The following GPHN variants were observed in gnomAD, a reference collection of about 807,000 sequenced individuals.
GPHN encodes the protein gephyrin.
In GPHN, 17 loss-of-function variants were observed where a neutral mutation model predicts 95.5. The observed-to-expected ratio is 0.18, with a 90% CI of 0.12 to 0.27. GPHN has a LOEUF of 0.27. Ranked by LOEUF, GPHN falls within the 10% of genes least tolerant of loss-of-function variation. GPHN has a pLI of 1.00. For missense variants in GPHN, 660 were observed against 978.1 expected (o/e 0.67, Z 4.34); for synonymous variants, 320 against 322.5 (o/e 0.99, Z 0.08).
chr14:67,180,564 A>G (rs2083272496), intron 22 of GPHN, among the ~76,000 whole-genome samples: 1 of 152,188 alleles, frequency 6.6e-6, no homozygotes, highest in Non-Finnish European at 1.5e-5. Flanking sequence ...GCATAATGCT[A>G]TAAAATCCTG....
At chr14:67,640,886 G>A in the GPHN span, among the ~76,000 whole-genome samples, 17 of 152,140 alleles carry the variant, frequency 1.1e-4, no homozygotes, top group East Asian at 1.9e-4. Flanking sequence ...GAGGTTGAGC[G>A]TCCCTAATCC....
At chr14:66,768,912 G>A (rs144174735) in intron 2 of GPHN, among the ~76,000 whole-genome samples, 3 of 151,982 alleles carry the variant, frequency 2.0e-5, no homozygotes, top group African/African-American at 2.4e-5. Flanking sequence ...TAAAAGATAC[G>A]TATACTATAT....
chr14:66,516,252 A>C (rs767034801), intron 1 of GPHN, among the ~76,000 whole-genome samples: 2 of 151,426 alleles, frequency 1.3e-5, no homozygotes, highest in Non-Finnish European at 2.9e-5. Flanking sequence ...TCCTGACCTC[A>C]AGTGATCTAC....
chr14:66,775,346 A>G (rs2059342878), intron 2 of GPHN, among the ~76,000 whole-genome samples: 1 of 152,142 alleles, frequency 6.6e-6, no homozygotes, highest in South Asian at 2.1e-4. Flanking sequence ...AATTAGAACA[A>G]AGGCAGTTAG....
At chr14:66,912,802 A>G (rs1185996309) in intron 5 of GPHN, among the ~76,000 whole-genome samples, 24 of 152,176 alleles carry the variant, frequency 1.6e-4, no homozygotes, top group Admixed American at 1.6e-3. Context: ...TATGTACTAG[A>G]TTATACTGTA....
At chr14:67,016,970 T>G (rs2073348780) in intron 9 of GPHN, among the ~76,000 whole-genome samples, 1 of 152,112 alleles carries the variant, frequency 6.6e-6, no homozygotes, top group Non-Finnish European at 1.5e-5. Flanking sequence ...CCCTACTTAA[T>G]TTTCCCCATA....
At chr14:67,060,857 A>G (rs1375437454) in intron 11 of GPHN, among the ~76,000 whole-genome samples, 1 of 152,148 alleles carries the variant, frequency 6.6e-6, no homozygotes, top group Non-Finnish European at 1.5e-5. Context: ...AGTCTATACC[A>G]TTGCCCAGAG....
At chr14:67,566,341 A>C in the GPHN span, among the ~76,000 whole-genome samples, 1 of 152,086 alleles carries the variant, frequency 6.6e-6, no homozygotes, top group African/African-American at 2.4e-5. Flanking sequence ...CCAAATGCAG[A>C]GGTTGGGAGC....
the GPHN span, among the ~76,000 whole-genome samples, chr14:67,231,706 G>A: frequency 1.8e-4 from 28 of 152,186 alleles, no homozygotes; most frequent in African/African-American, 1.7e-4. Flanking sequence ...AGTGGCTCAC[G>A]CCTGTAATCC....
At chr14:66,545,696 C>A in intron 1 of GPHN, among the ~76,000 whole-genome samples, 1 of 140,512 alleles carries the variant, frequency 7.1e-6, no homozygotes. Flanking sequence ...GGCAGAGGCG[C>A]CCCTCACCTC....
the GPHN span, chr14:67,316,957 G>A: frequency 1.4e-6 from 2 of 1,414,546 alleles, no homozygotes; most frequent in Admixed American, 1.9e-5. Flanking sequence ...TTCATCTGGA[G>A]CCATGTGTGA....
At chr14:67,338,822 ATTTC>A in the GPHN span, 70 of 1,472,566 alleles carry the variant, frequency 4.8e-5, no homozygotes, top group Admixed American at 8.3e-5. Flanking sequence ...AGTAGATTTG[ATTTC>A]TTTGAGTTTT....
At chr14:66,700,691 G>A (rs1009849926) in intron 2 of GPHN, among the ~76,000 whole-genome samples, 8 of 152,110 alleles carry the variant, frequency 5.3e-5, no homozygotes, top group Admixed American at 3.3e-4. Flanking sequence ...CTTGGGGGCC[G>A]AGGCGGGTGG....
intron 4 of GPHN, among the ~76,000 whole-genome samples, chr14:66,875,870 T>C (rs1434704048): frequency 3.9e-5 from 6 of 151,954 alleles, no homozygotes; most frequent in African/African-American, 1.4e-4. Flanking sequence ...CAAGGATATT[T>C]AGGACTTACA....
At chr14:66,697,145 T>A in intron 2 of GPHN, among the ~76,000 whole-genome samples, 1 of 152,250 alleles carries the variant, frequency 6.6e-6, no homozygotes, top group East Asian at 1.9e-4. Flanking sequence ...CATCTTTTAA[T>A]AAGTATTAGT....
chr14:67,613,576 T>G, the GPHN span: 5,069 of 215,596 alleles, frequency 0.024, 240 homozygotes, highest in African/African-American at 0.11. Flanking sequence ...GAAACAAGAT[T>G]ATTCTCACAT....
chr14:67,204,788 A>G, the GPHN span: 1 of 1,613,998 alleles, frequency 6.2e-7, no homozygotes, highest in Non-Finnish European at 8.5e-7. Flanking sequence ...GGCTCCATGG[A>G]TGTGACGGAT....
At chr14:67,708,519 C>T in the GPHN span, among the ~76,000 whole-genome samples, 1 of 151,858 alleles carries the variant, frequency 6.6e-6, no homozygotes, top group African/African-American at 2.4e-5. Flanking sequence ...TTAGGGCAGC[C>T]ATAAAGAAAC....
At chr14:67,368,703 A>C in the GPHN span, among the ~76,000 whole-genome samples, 8 of 149,070 alleles carry the variant, frequency 5.4e-5, no homozygotes, top group African/African-American at 2.0e-4. Context: ...TAAAAGGTTA[A>C]GGATGTATAT....
Sources: gnomAD v4.1 joint callset for allele counts (sites outside exome capture counted in the v4.1 genomes callset) on GRCh38, gnomAD v4.1.1 for gene constraint, MANE v1.5 for transcripts, NCBI Gene and HGNC (gene_info 2026-07-23, HGNC 2026-07-21) for gene names.